The following RNF150 variants were observed in gnomAD, a reference collection of about 807,000 sequenced individuals.
RNF150 encodes the protein ring finger protein 150.
RNF150 carries 24 observed loss-of-function variants against 39.3 expected under a neutral mutation model. The ratio of observed to expected loss-of-function variants is 0.61; its 90% CI spans 0.44 to 0.86. RNF150 has a LOEUF of 0.86. RNF150 is among the 40% of genes least tolerant of loss of function. The probability of loss-of-function intolerance (pLI) is 0.00; values close to 1 mark genes in which losing one functional copy is unlikely to be tolerated. For synonymous variants in RNF150, 255 were observed against 227.3 expected, an observed-to-expected ratio of 1.12 and a Z score of -1.10; for missense variants, 502 against 587.8, an observed-to-expected ratio of 0.85 and a Z score of 1.51.
chr4:141,065,134 G>A (rs1018603199), intron 1 of RNF150, among the ~76,000 whole-genome samples: 4 of 152,124 alleles, frequency 2.6e-5, no homozygotes, highest in Admixed American at 6.6e-5. Flanking sequence ...CAAAGTGCTG[G>A]GATTACAGAC....
At chr4:140,909,472 T>C (rs1730512184) in intron 6 of RNF150, among the ~76,000 whole-genome samples, 1 of 152,144 alleles carries the variant, frequency 6.6e-6, no homozygotes, top group South Asian at 2.1e-4. Context: ...TTAAGTTCTT[T>C]ACTGTTTACT....
At chr4:141,131,605 T>C (rs1413644760) in intron 1 of RNF150, among the ~76,000 whole-genome samples, 5 of 152,186 alleles carry the variant, frequency 3.3e-5, no homozygotes, top group Non-Finnish European at 2.9e-5. Context: ...TAGTCTGAAA[T>C]CCCTTCATTC....
intron 5 of RNF150, among the ~76,000 whole-genome samples, chr4:140,925,032 A>G (rs1311807570): frequency 6.6e-6 from 1 of 152,240 alleles, no homozygotes; most frequent in Non-Finnish European, 1.5e-5. Flanking sequence ...TCTTGGGACT[A>G]TTAACATTCT....
chr4:140,939,088 T>C (rs1731977146), intron 4 of RNF150, among the ~76,000 whole-genome samples: 2 of 152,224 alleles, frequency 1.3e-5, no homozygotes, highest in African/African-American at 4.8e-5. Context: ...CTATCCCTTT[T>C]AGGTTCTTCT....
intron 6 of RNF150, among the ~76,000 whole-genome samples, chr4:140,881,874 C>T (rs1430394795): frequency 6.8e-6 from 1 of 146,412 alleles, no homozygotes; most frequent in Non-Finnish European, 1.6e-5. Context: ...AAGCAAGACT[C>T]CATCTCTTTA....
intron 6 of RNF150, among the ~76,000 whole-genome samples, chr4:140,890,506 G>C: frequency 6.6e-6 from 1 of 152,134 alleles, no homozygotes; most frequent in South Asian, 2.1e-4. Context: ...GTGGGGGTTT[G>C]GGGAGGTAAT....
chr4:140,920,050 A>C (rs1731041383), intron 5 of RNF150, among the ~76,000 whole-genome samples: 1 of 152,082 alleles, frequency 6.6e-6, no homozygotes, highest in Non-Finnish European at 1.5e-5. Flanking sequence ...AATGGATTAA[A>C]GACTTAAACG....
chr4:141,204,140 T>G (rs1293361447), intron 1 of RNF150, among the ~76,000 whole-genome samples: 1 of 152,164 alleles, frequency 6.6e-6, no homozygotes, highest in Non-Finnish European at 1.5e-5. Context: ...AATAGATAAT[T>G]GATATGAATA....
At chr4:140,907,472 T>C (rs2111264018) in intron 6 of RNF150, among the ~76,000 whole-genome samples, 1 of 152,350 alleles carries the variant, frequency 6.6e-6, no homozygotes, top group Non-Finnish European at 1.5e-5. Context: ...ACTTTCACTC[T>C]GAAGGCAATC....
intron 1 of RNF150, among the ~76,000 whole-genome samples, chr4:141,038,295 T>A (rs896766807): frequency 4.6e-5 from 7 of 152,168 alleles, no homozygotes; most frequent in Non-Finnish European, 5.9e-5. Flanking sequence ...CACTTAAATA[T>A]CCTTCAACTT....
chr4:141,133,344 C>G lies in RNF150; in HGVS notation c.-536G>C, dbSNP rs1359715100. 6.1e-6 allele frequency: 1 copy of G among 163,224 alleles called. No homozygotes were observed. The highest frequency in any genetic ancestry group is 1.3e-5 in the Non-Finnish European group (1 of 76,514). The allele number at this position is 163,224 out of a possible 1,614,324, so 10.1% of individuals were successfully genotyped here. Reference sequence around the variant, plus strand: ...TGCGCCGGTTCCCTCAGGCTGCGGGCGCTGCGCTCCTGATCTCGCCGGTGG... The same window carrying G: ...TGCGCCGGTTCCCTCAGGCTGCGGGGGCTGCGCTCCTGATCTCGCCGGTGG... On this transcript the variant is annotated 5_prime_UTR_variant, in exon 1 of 7. Transcript: ENST00000515673.
At chr4:141,058,420 GTGTACCCTT>G (rs1737078833) in intron 1 of RNF150, among the ~76,000 whole-genome samples, 1 of 152,044 alleles carries the variant, frequency 6.6e-6, no homozygotes, top group African/African-American at 2.4e-5. Context: ...TTGAGAATAT[GTGTACCCTT>G]TGATTTTTAG....
intron 1 of RNF150, among the ~76,000 whole-genome samples, chr4:141,100,973 T>C (rs904922982): frequency 6.6e-6 from 1 of 152,208 alleles, no homozygotes; most frequent in Admixed American, 6.5e-5. Context: ...TAATCATGAA[T>C]GGCGCTTCTA....
At chr4:140,870,711 C>A (rs1024728448) in intron 6 of RNF150, among the ~76,000 whole-genome samples, 1 of 152,142 alleles carries the variant, frequency 6.6e-6, no homozygotes, top group Non-Finnish European at 1.5e-5. Flanking sequence ...TGAAGTGGGG[C>A]AGGACACAAC....
At chr4:140,938,544 T>C (rs925279985) in intron 4 of RNF150, among the ~76,000 whole-genome samples, 18 of 152,304 alleles carry the variant, frequency 1.2e-4, no homozygotes, top group African/African-American at 4.3e-4. Flanking sequence ...GGAAGCTCTG[T>C]GGGACCTAAC....
chr4:140,942,700 C>T (rs550539398), intron 4 of RNF150, among the ~76,000 whole-genome samples: 16 of 152,316 alleles, frequency 1.1e-4, no homozygotes, highest in African/African-American at 3.1e-4. Flanking sequence ...AAATTCAAAA[C>T]GCTCCAGTGA....
chr4:140,995,478 C>G (rs1734332322), intron 1 of RNF150, among the ~76,000 whole-genome samples: 1 of 152,146 alleles, frequency 6.6e-6, no homozygotes, highest in African/African-American at 2.4e-5. Flanking sequence ...TCTGGGTCAT[C>G]AGGTCATTGC....
chr4:140,962,252 A>C (rs1255137735), intron 2 of RNF150, among the ~76,000 whole-genome samples: 1 of 151,868 alleles, frequency 6.6e-6, no homozygotes, highest in Non-Finnish European at 1.5e-5. Flanking sequence ...AGCTGTGGTC[A>C]CTAGCTATGT....
At chr4:141,009,293 C>T (rs73858466) in intron 1 of RNF150, among the ~76,000 whole-genome samples, 11,540 of 152,250 alleles carry the variant, frequency 0.076, 493 homozygotes, top group Middle Eastern at 0.16. Context: ...GAAGGAAAGA[C>T]ATTCTATGCA....
Sources: allele counts gnomAD v4.1 joint callset (sites outside exome capture counted in the v4.1 genomes callset), GRCh38; gene constraint gnomAD v4.1.1; transcripts MANE v1.5; gene names NCBI Gene and HGNC (gene_info 2026-07-23, HGNC 2026-07-21).